The following SRBD1 variants were observed in gnomAD, a reference collection of about 807,000 sequenced individuals.
SRBD1 encodes S1 RNA binding domain 1.
In SRBD1, 88 loss-of-function variants were observed where a neutral mutation model predicts 115.3. That is an observed-to-expected ratio of 0.76 (90% CI 0.64 to 0.91). The LOEUF is 0.91. SRBD1 is among the 40% of genes least tolerant of loss of function. The pLI, the probability that SRBD1 is intolerant of heterozygous loss-of-function variation, is 0.00. For synonymous variants in SRBD1, 509 were observed against 407.7 expected, an observed-to-expected ratio of 1.25 and a Z score of -2.99; for missense variants, 1,385 against 1,177.4, an observed-to-expected ratio of 1.18 and a Z score of -2.58.
At chr2:45,609,118 T>C (rs965456578) in intron 1 of SRBD1, among the ~76,000 whole-genome samples, 5 of 152,186 alleles carry the variant, frequency 3.3e-5, no homozygotes, top group Admixed American at 6.5e-5. Flanking sequence ...GAAAATTCTT[T>C]AACAGCTTCA....
At chr2:45,588,288 C>A (rs1483497403) in intron 4 of SRBD1, among the ~76,000 whole-genome samples, 1 of 152,202 alleles carries the variant, frequency 6.6e-6, no homozygotes, top group African/African-American at 2.4e-5. Context: ...CTCATCTTAT[C>A]CAGTCTTTCC....
At chr2:45,470,811 G>A (rs1669626828) in intron 16 of SRBD1, among the ~76,000 whole-genome samples, 1 of 152,094 alleles carries the variant, frequency 6.6e-6, no homozygotes. Context: ...TGACCACACT[G>A]GCTGCCTCTC....
chr2:45,401,874 T>C (rs181127671), intron 19 of SRBD1, among the ~76,000 whole-genome samples: 2 of 152,312 alleles, frequency 1.3e-5, no homozygotes, highest in East Asian at 3.9e-4. Flanking sequence ...TGTAAACTCT[T>C]TGCATTACAG....
At chr2:45,431,872 T>A (rs1055091938) in intron 16 of SRBD1, among the ~76,000 whole-genome samples, 2 of 152,194 alleles carry the variant, frequency 1.3e-5, no homozygotes, top group African/African-American at 4.8e-5. Context: ...TTAGAAGTTT[T>A]AAAAACTCTT....
intron 19 of SRBD1, among the ~76,000 whole-genome samples, chr2:45,403,381 T>C (rs2103836067): frequency 6.6e-6 from 1 of 152,334 alleles, no homozygotes; most frequent in Non-Finnish European, 1.5e-5. Flanking sequence ...CATTTTGTTC[T>C]ACTGAAGTTA....
Position 45,574,721 on chromosome 2 carries a change from G to C in SRBD1, c.1075C>G (p.Leu359Val), listed in dbSNP as rs147880468. 5.7e-5 allele frequency: 91 copies of C among 1,607,244 alleles called. No homozygotes were observed. The Admixed American group carries it at 7.4e-4, about 13-fold the overall frequency. The change falls in exon 8 of 21, where the codon CTT becomes GTT. Residue 359 changes from leucine (L) to valine (V), a missense_variant and splice_region_variant. By Grantham distance (32) the Leu-to-Val change is conservative. Coordinates refer to ENST00000263736, the MANE Select transcript of SRBD1 (RefSeq NM_018079.5). The part of the protein sequence containing the change: ...LSYIRPDVKG[L>V]STLQDIEIGV... ...ATTTCAATATCCTGAAGCGTTGAAA[G>C]CCCTTTAGGAGAAGGGTAAAAAGGA...
intron 14 of SRBD1, among the ~76,000 whole-genome samples, chr2:45,520,727 G>A (rs1425923554): frequency 6.6e-6 from 1 of 152,160 alleles, no homozygotes; most frequent in Non-Finnish European, 1.5e-5. Flanking sequence ...TTGGCTGGGG[G>A]TGGTCGGAGA....
At chr2:45,586,537 A>G (rs1442472065) in intron 4 of SRBD1, among the ~76,000 whole-genome samples, 1 of 152,002 alleles carries the variant, frequency 6.6e-6, no homozygotes, top group Non-Finnish European at 1.5e-5. Flanking sequence ...AAGCTAATTA[A>G]TTACTTTTTA....
At chr2:45,511,556 T>C (rs1219001048) in intron 14 of SRBD1, among the ~76,000 whole-genome samples, 3 of 152,224 alleles carry the variant, frequency 2.0e-5, no homozygotes, top group Admixed American at 6.5e-5. Context: ...ATGAGGCAGG[T>C]ACTTAAGTTG....
Position 45,562,762 on chromosome 2 carries a change from T to C in SRBD1, c.1306-6A>G, listed in dbSNP as rs774498573. On this transcript the variant is annotated splice_region_variant and splice_polypyrimidine_tract_variant and intron_variant, in intron 9 of 20. Transcript: ENST00000263736. ...CCACGGTTAATTGCCAGAATCTGAG[T>C]GCAAACATAAGGCAAAGACTAATAA... is the stretch of plus-strand genomic sequence containing the variant. The C allele has an allele frequency of 1.6e-5, 25 of 1,595,590 alleles. No individual in the cohort carries two copies. In the Admixed American group the frequency reaches 3.5e-4, roughly 23 times the overall value.
intron 4 of SRBD1, among the ~76,000 whole-genome samples, chr2:45,596,988 TCACACACACACA>T (rs36095012): frequency 2.1e-5 from 3 of 140,882 alleles, no homozygotes; most frequent in Non-Finnish European, 4.7e-5. Flanking sequence ...CCCACAACCC[TCACACACACACA>T]CACACACACA....
intron 16 of SRBD1, among the ~76,000 whole-genome samples, chr2:45,454,158 G>A (rs1019300068): frequency 6.6e-6 from 1 of 151,830 alleles, no homozygotes; most frequent in Non-Finnish European, 1.5e-5. Flanking sequence ...TTACAATGTG[G>A]TATTCCCTAT....
intron 14 of SRBD1, among the ~76,000 whole-genome samples, chr2:45,534,475 T>C (rs1376235796): frequency 1.3e-5 from 2 of 151,918 alleles, no homozygotes; most frequent in African/African-American, 4.8e-5. Flanking sequence ...AAGCCATCAC[T>C]GTAGAAAGAA....
intron 14 of SRBD1, among the ~76,000 whole-genome samples, chr2:45,535,792 G>A (rs1200162396): frequency 6.6e-6 from 1 of 151,900 alleles, no homozygotes; most frequent in African/African-American, 2.4e-5. Context: ...CCACTGATTA[G>A]GATTATGATA....
At chr2:45,580,685 T>A (rs1673332018) in intron 6 of SRBD1, among the ~76,000 whole-genome samples, 1 of 121,134 alleles carries the variant, frequency 8.3e-6, no homozygotes, top group Non-Finnish European at 1.7e-5. Context: ...TCTTTTTTTT[T>A]TTTTTTTTTT....
chr2:45,578,728 G>T (rs1423427416), intron 7 of SRBD1, among the ~76,000 whole-genome samples: 2 of 152,088 alleles, frequency 1.3e-5, no homozygotes, highest in Non-Finnish European at 2.9e-5. Context: ...TAGGTCAAAG[G>T]GTACAAAGTT....
At chr2:45,580,598 A>T (rs1194038751) in intron 6 of SRBD1, among the ~76,000 whole-genome samples, 3 of 130,750 alleles carry the variant, frequency 2.3e-5, no homozygotes, top group African/African-American at 2.9e-5. Flanking sequence ...TGGTCTCGTG[A>T]TCTGCCCGCC....
intron 20 of SRBD1, 35 bp from the exon 21 acceptor site, chr2:45,389,634 T>C (rs1290943365): frequency 1.3e-6 from 2 of 1,585,608 alleles, no homozygotes; most frequent in East Asian, 2.2e-5. Flanking sequence ...AAATAAGGCA[T>C]TGTACTTCCT....
At chr2:45,492,683 C>T (rs1670335519) in intron 14 of SRBD1, among the ~76,000 whole-genome samples, 1 of 152,186 alleles carries the variant, frequency 6.6e-6, no homozygotes, top group Non-Finnish European at 1.5e-5. Context: ...TCGTGATCCG[C>T]CTGCCTCGGC....
Sources: allele counts gnomAD v4.1 joint callset (sites outside exome capture counted in the v4.1 genomes callset), GRCh38; gene constraint gnomAD v4.1.1; transcripts MANE v1.5; gene names NCBI Gene and HGNC (gene_info 2026-07-23, HGNC 2026-07-21).